PRKN: variants seen among roughly 807,000 people sequenced by gnomAD.
The protein encoded by PRKN is E3 ubiquitin-protein ligase parkin.
A neutral mutation model predicts 59.5 loss-of-function variants in PRKN; 56 were observed. That is an observed-to-expected ratio of 0.94 (90% CI 0.76 to 1.18). The LOEUF (loss-of-function observed/expected upper bound fraction) is 1.18, where lower values mean the gene tolerates loss of function less well. Ranked by LOEUF, PRKN falls within the 50% of genes most tolerant of loss-of-function variation. The pLI is 0.00. For synonymous variants in PRKN, 250 were observed against 222.1 expected (o/e 1.13, Z -1.12); for missense variants, 657 against 596.4 (o/e 1.10, Z -1.06).
intron 1 of PRKN, among the ~76,000 whole-genome samples, chr6:162,457,361 T>G (rs1790927691): frequency 6.6e-6 from 1 of 152,152 alleles, no homozygotes; most frequent in Admixed American, 6.6e-5. Flanking sequence ...AAATCATCAG[T>G]TTTAATATCC....
chr6:162,718,383 T>C (rs1778805838), intron 1 of PRKN, among the ~76,000 whole-genome samples: 1 of 152,104 alleles, frequency 6.6e-6, no homozygotes. Context: ...CTTGATCCAA[T>C]ATGAAAGTTT....
chr6:161,868,724 G>T (rs1333273417), intron 6 of PRKN, among the ~76,000 whole-genome samples: 3 of 152,102 alleles, frequency 2.0e-5, no homozygotes, highest in African/African-American at 7.2e-5. Context: ...TTTTGAAAAG[G>T]CTAAGAAAGA....
intron 2 of PRKN, among the ~76,000 whole-genome samples, chr6:162,355,851 A>G (rs1483582096): frequency 1.3e-5 from 2 of 152,160 alleles, no homozygotes; most frequent in African/African-American, 4.8e-5. Context: ...TTTACAAGGT[A>G]AAGGATTAAT....
rs1256284848 is a variant in PRKN at position 161,451,258 on chromosome 6, T to C, written c.1084-64381A>G. 6.6e-6 allele frequency among the ~76,000 whole-genome samples: 1 copy of C among 152,214 alleles called. No homozygotes were observed. Among genetic ancestry groups the C allele is most frequent in the African/African-American group, 2.4e-5 (1 of 41,454 alleles). On this transcript the variant is annotated intron_variant, in intron 9 of 11. Transcript: ENST00000366898. The surrounding 1 kb of genome is among the most constrained non-coding windows in gnomAD (Gnocchi z 5.9). ...GGGTCTCTTTTATCCTACCGTCATC[T>C]CATTTCCAGATAAAACACCTCCAGT...
chr6:161,655,408 G>A (rs1784307969), intron 7 of PRKN, among the ~76,000 whole-genome samples: 1 of 151,318 alleles, frequency 6.6e-6, no homozygotes, highest in African/African-American at 2.4e-5. Context: ...AGGCGTTCCT[G>A]GGCCCACCCA....
chr6:162,517,450 G>A (rs1271775484), intron 1 of PRKN, among the ~76,000 whole-genome samples: 2 of 151,776 alleles, frequency 1.3e-5, no homozygotes, highest in Non-Finnish European at 2.9e-5. Flanking sequence ...TAGAGACGGG[G>A]TTTCACCACG....
At chr6:162,306,243 A>T (rs9364649) in intron 2 of PRKN, among the ~76,000 whole-genome samples, 19,646 of 152,130 alleles carry the variant, frequency 0.13, 1,748 homozygotes, top group East Asian at 0.5. Flanking sequence ...GGCCTGACTG[A>T]GGGTGTCGGG....
chr6:162,583,386 G>A (rs13200329), intron 1 of PRKN, among the ~76,000 whole-genome samples: 18,726 of 152,244 alleles, frequency 0.12, 1,265 homozygotes, highest in Middle Eastern at 0.2. Flanking sequence ...GAAACACTGC[G>A]AGAAATTCTT....
intron 2 of PRKN, among the ~76,000 whole-genome samples, chr6:162,393,782 C>T (rs549407643): frequency 1.9e-4 from 29 of 152,210 alleles, no homozygotes; most frequent in African/African-American, 4.8e-4. Context: ...TAACTCTCAC[C>T]GGTTTTTTCT....
chr6:162,224,195 A>T (rs1778065323), intron 3 of PRKN, among the ~76,000 whole-genome samples: 1 of 152,200 alleles, frequency 6.6e-6, no homozygotes, highest in Admixed American at 6.5e-5. Context: ...CTGAGTTTAC[A>T]GAACTGCCTA....
At chr6:161,506,358 A>G (rs1778169872) in intron 9 of PRKN, among the ~76,000 whole-genome samples, 1 of 152,012 alleles carries the variant, frequency 6.6e-6, no homozygotes, top group Admixed American at 6.6e-5. Flanking sequence ...AATGCTTGTG[A>G]TTTTTGTACA....
chr6:162,575,249 C>T (rs142613103), intron 1 of PRKN, among the ~76,000 whole-genome samples: 1 of 152,290 alleles, frequency 6.6e-6, no homozygotes, highest in Non-Finnish European at 1.5e-5. Flanking sequence ...AGAAACAGAA[C>T]TACCTACTGT....
chr6:162,165,020 A>G (rs1312849869), intron 4 of PRKN, among the ~76,000 whole-genome samples: 1 of 145,530 alleles, frequency 6.9e-6, no homozygotes, highest in Non-Finnish European at 1.5e-5. Context: ...CTTTATATAG[A>G]AACAGGCTTA....
At chr6:162,232,520 T>G (rs1176730736) in intron 3 of PRKN, among the ~76,000 whole-genome samples, 1 of 152,214 alleles carries the variant, frequency 6.6e-6, no homozygotes, top group Non-Finnish European at 1.5e-5. Flanking sequence ...GGTGGATTAA[T>G]TGCTTTTCCT....
At chr6:162,658,674 G>GGAAAAGAAAAAAAAAAAAAAAA (rs1778756315) in intron 1 of PRKN, among the ~76,000 whole-genome samples, 1 of 97,126 alleles carries the variant, frequency 1.0e-5, no homozygotes, top group Non-Finnish European at 2.1e-5. Flanking sequence ...AAAAAAAAAA[G>GGAAAAGAAAAAAAAAAAAAAAA]AAAAAAAAAA....
rs1789727566 is a variant in PRKN at position 161,451,219 on chromosome 6, A to G, written c.1084-64342T>C. On this transcript the variant is annotated intron_variant, in intron 9 of 11. Transcript: ENST00000366898. The surrounding 1 kb of genome is among the most constrained non-coding windows in gnomAD (Gnocchi z 5.9). ...GCCAATCTCCCATTGCAACAAATGA[A>G]CTATTAAAAACAGGGGTCTCTTTTA... Among the ~76,000 whole-genome samples the G allele has an allele frequency of 6.6e-6, 1 of 152,126 alleles. No homozygotes were observed. The highest frequency in any genetic ancestry group is 2.1e-4 in the South Asian group (1 of 4,826).
chr6:162,011,960 C>A (rs558355954), intron 5 of PRKN, among the ~76,000 whole-genome samples: 5 of 151,952 alleles, frequency 3.3e-5, no homozygotes, highest in African/African-American at 9.7e-5. Flanking sequence ...ATTTAGATAG[C>A]TAGCTAGCTA....
intron 2 of PRKN, among the ~76,000 whole-genome samples, chr6:162,324,599 C>T (rs1000072934): frequency 3.4e-4 from 52 of 151,930 alleles, no homozygotes; most frequent in Non-Finnish European, 1.8e-4. Flanking sequence ...TCCACAGGTG[C>T]GCAGGGGGTC....
chr6:162,391,574 G>A (rs1350716584), intron 2 of PRKN, among the ~76,000 whole-genome samples: 3 of 149,626 alleles, frequency 2.0e-5, no homozygotes, highest in East Asian at 2.0e-4. Context: ...TTCTTACTGC[G>A]CATGCTTGAC....
Sources: allele counts gnomAD v4.1 joint callset (sites outside exome capture counted in the v4.1 genomes callset), GRCh38; gene constraint gnomAD v4.1.1; non-coding constraint Gnocchi (gnomAD v3.1); transcripts MANE v1.5; gene names NCBI Gene and HGNC (gene_info 2026-07-23, HGNC 2026-07-21).